Variants in OLFML2B observed in about 807,000 individuals in gnomAD.
The protein encoded by OLFML2B is olfactomedin like 2B, also known as olfactomedin-like protein 2B.
Under a neutral mutation model 74.9 loss-of-function variants are expected in OLFML2B, and 57 were observed. That is an observed-to-expected ratio of 0.76 (90% CI 0.61 to 0.95). The LOEUF (loss-of-function observed/expected upper bound fraction) is 0.95. Ranked by LOEUF, OLFML2B falls within the 40% of genes least tolerant of loss-of-function variation. OLFML2B has a pLI of 0.00. For missense variants in OLFML2B, 986 were observed against 970.6 expected (o/e 1.02, Z -0.21); for synonymous variants, 388 against 405.8 (o/e 0.96, Z 0.53).
At chr1:161,998,731 G>T (rs1690000765) in intron 5 of OLFML2B, among the ~76,000 whole-genome samples, 1 of 152,206 alleles carries the variant, frequency 6.6e-6, no homozygotes, top group Admixed American at 6.5e-5. Context: ...ACCTCACAGA[G>T]CTTCTATATA....
chr1:162,012,472 C>A (rs552113934), intron 3 of OLFML2B, among the ~76,000 whole-genome samples: 54 of 152,316 alleles, frequency 3.5e-4, no homozygotes, highest in African/African-American at 1.1e-3. Context: ...TTCTGGGGAG[C>A]GGACCAGTTC....
At chr1:161,998,776 C>T (rs1355447254) in intron 5 of OLFML2B, among the ~76,000 whole-genome samples, 1 of 152,160 alleles carries the variant, frequency 6.6e-6, no homozygotes, top group Non-Finnish European at 1.5e-5. Flanking sequence ...CAGGATTGTG[C>T]ACCTGAAGGT....
At chr1:162,008,643 G>C (rs1558064334) in intron 3 of OLFML2B, among the ~76,000 whole-genome samples, 1 of 152,224 alleles carries the variant, frequency 6.6e-6, no homozygotes, top group South Asian at 2.1e-4. Context: ...GTGGTGCAGA[G>C]TTCAGCAGCA....
At chr1:162,001,010 A>T (rs1690067821) in intron 4 of OLFML2B, among the ~76,000 whole-genome samples, 3 of 152,158 alleles carry the variant, frequency 2.0e-5, no homozygotes, top group African/African-American at 7.2e-5. Flanking sequence ...CACTCCAGTC[A>T]CTTGGCTGAC....
Position 162,022,241 on chromosome 1 carries a change from C to CGTCTT in OLFML2B, c.174+1015_174+1016insAAGAC, listed in dbSNP as rs1690725073. 6.2e-4 allele frequency among the ~76,000 whole-genome samples: 61 copies of CGTCTT among 98,272 alleles called. 1 individual carries two copies. The highest frequency in any genetic ancestry group is 2.4e-3 in the African/African-American group (56 of 23,494). 64.5% of individuals were successfully genotyped at this position (98,272 alleles called of 152,430 possible). On this transcript the variant is annotated intron_variant, in intron 1 of 7. Coordinates refer to ENST00000294794, the MANE Select transcript of OLFML2B (RefSeq NM_015441.3). Reference sequence around the variant, plus strand: ...ACGCCCTGGCTCTACCCATGTATCTCTTCTTTTTTTTTTTTTTTTTTTTTT... The same window carrying CGTCTT: ...ACGCCCTGGCTCTACCCATGTATCTCGTCTTTTCTTTTTTTTTTTTTTTTTTTTTT...
chr1:162,022,126 C>T (rs1690718487), intron 1 of OLFML2B, among the ~76,000 whole-genome samples: 1 of 151,986 alleles, frequency 6.6e-6, no homozygotes, highest in African/African-American at 2.4e-5. Context: ...ACCCACCACA[C>T]GTCATCATGC....
chr1:162,011,732 G>A (rs1269277955), intron 3 of OLFML2B, among the ~76,000 whole-genome samples: 1 of 152,238 alleles, frequency 6.6e-6, no homozygotes, highest in Non-Finnish European at 1.5e-5. Context: ...AAGAAGTCCA[G>A]GGCCTGGCAG....
intron 6 of OLFML2B, among the ~76,000 whole-genome samples, chr1:161,996,639 T>C (rs187978420): frequency 6.3e-4 from 96 of 152,378 alleles, no homozygotes; most frequent in African/African-American, 2.3e-3. Context: ...TCAGTGGTGA[T>C]TTAATGAATG....
intron 3 of OLFML2B, among the ~76,000 whole-genome samples, chr1:162,009,496 C>T (rs1558064736): frequency 6.6e-6 from 1 of 152,152 alleles, no homozygotes; most frequent in Non-Finnish European, 1.5e-5. Flanking sequence ...CTAGGGAGTC[C>T]CCCTTCACAT....
Position 162,023,335 on chromosome 1 carries a change from T to C in OLFML2B, c.96A>G (p.Pro32=). The C allele has an allele frequency of 6.2e-7, 1 of 1,607,988 alleles. No homozygotes were observed. The change falls in exon 1 of 8, where the codon CCA becomes CCG. Residue 32 remains proline, a synonymous_variant. Coordinates refer to ENST00000294794, the MANE Select transcript of OLFML2B (RefSeq NM_015441.3). ...CCGCAGGCGCCACTGTCTGCGCATC[T>C]GGGGGCTCGCTTGTCCCTGTGAGGA... is the stretch of plus-strand genomic sequence containing the variant. The part of the protein sequence containing the change: ...SIVLTGTSEP[P]DAQTVAPAED...
At chr1:162,022,224 G>GCTCT (rs1227936669) in intron 1 of OLFML2B, among the ~76,000 whole-genome samples, 1 of 141,190 alleles carries the variant, frequency 7.1e-6, no homozygotes, top group Non-Finnish European at 1.5e-5. Context: ...AGACGCCCTG[G>GCTCT]CTCTACCCAT....
chr1:162,011,471 C>T (rs966599480), intron 3 of OLFML2B, among the ~76,000 whole-genome samples: 4 of 152,240 alleles, frequency 2.6e-5, no homozygotes, highest in Non-Finnish European at 5.9e-5. Context: ...CAGCTGTCTC[C>T]TAGCCCCTGG....
chr1:162,011,771 A>T (rs4233383), intron 3 of OLFML2B, among the ~76,000 whole-genome samples: 150,424 of 152,282 alleles, frequency 0.99, 74,317 homozygotes, highest in Middle Eastern at 1. Context: ...CAGCAAGAAG[A>T]CCCAGGCCTC....
rs1169423374 is a variant in OLFML2B, at chr1:161,998,324, A to G, written c.975T>C (p.Asn325=). ...GATCTTCAATCAGCAAATCCACTCCATTGTCACCGCTGAAAAACTCATCTT... is the reference window on the plus strand; with the variant it reads ...GATCTTCAATCAGCAAATCCACTCCGTTGTCACCGCTGAAAAACTCATCTT... ...EQQDEFFSGD[N]GVDLLIEDQL... Residue 325 remains asparagine, a synonymous_variant, in exon 6 of 8, where the codon AAT becomes AAC. Coordinates refer to ENST00000294794, the MANE Select transcript of OLFML2B (RefSeq NM_015441.3). The G allele has an allele frequency of 6.4e-7, 1 of 1,564,896 alleles. No individual in the cohort carries two copies. The highest frequency in any genetic ancestry group is 8.7e-7 in the Non-Finnish European group (1 of 1,150,368).
In OLFML2B at chr1:162,019,964, GTC is replaced by G. The variant is rs1205679796; in HGVS notation, c.391_392del (p.Asp131LeufsTer48). ...PPSALNPCEGDFRLQKLREAD... is the reference protein window; with the variant it reads ...PPSALNPCEGXFRLQKLREAD... ...CCTCCCGCAGCTTCTGGAGCCTGAA[GTC>G]TCCCTCGCAGGGATTGAGGGCCGAT... On this transcript the variant is annotated frameshift_variant, in exon 2 of 8. Transcript: ENST00000294794. LOFTEE classifies it high-confidence loss of function. 6.2e-7 allele frequency: 1 copy of G among 1,614,218 alleles called. No individual in the cohort carries two copies. Among genetic ancestry groups the G allele is most frequent in the South Asian group, 1.1e-5 (1 of 91,090 alleles).
At chr1:162,005,246 A>G (rs1690186492) in intron 4 of OLFML2B, among the ~76,000 whole-genome samples, 1 of 152,208 alleles carries the variant, frequency 6.6e-6, no homozygotes, top group Non-Finnish European at 1.5e-5. Flanking sequence ...AGGCATTTTT[A>G]AGCAAGGAGG....
Position 161,983,804 on chromosome 1 carries a change from G to T in OLFML2B, c.2124C>A (p.Ile708=), listed in dbSNP as rs1339107894. The T allele has an allele frequency of 3.7e-6, 6 of 1,614,062 alleles. No individual in the cohort carries two copies. Among genetic ancestry groups the T allele is most frequent in the Non-Finnish European group, 4.2e-6 (5 of 1,180,040 alleles). Residue 708 remains isoleucine, a synonymous_variant, in exon 8 of 8, where the codon ATC becomes ATA. Transcript: ENST00000294794. ...YAFDTHTNTQ[I]VPRLLFENEY... ...CATTCTCGAACAGCAGCCTGGGGAC[G>T]ATCTGTGTGTTGGTGTGGGTGTCGA... is the stretch of plus-strand genomic sequence containing the variant.
intron 4 of OLFML2B, among the ~76,000 whole-genome samples, chr1:162,001,874 A>G (rs2499833): frequency 0.85 from 129,578 of 152,252 alleles, 55,362 homozygotes; most frequent in African/African-American, 0.88. Flanking sequence ...GTAACTAACC[A>G]GCATTTAATT....
intron 3 of OLFML2B, among the ~76,000 whole-genome samples, chr1:162,008,909 T>G (rs1446374654): frequency 1.3e-5 from 2 of 152,212 alleles, no homozygotes; most frequent in Non-Finnish European, 2.9e-5. Flanking sequence ...TTAGTGGGAT[T>G]CAAGCATTTC....
Sources: allele counts gnomAD v4.1 joint callset (sites outside exome capture counted in the v4.1 genomes callset), GRCh38; gene constraint gnomAD v4.1.1; transcripts MANE v1.5; gene names NCBI Gene and HGNC (gene_info 2026-07-23, HGNC 2026-07-21).